Variants in SMYD3 observed in about 807,000 individuals in gnomAD.
SMYD3 encodes the protein SET and MYND domain containing 3, also known as histone-lysine N-methyltransferase SMYD3.
Under a neutral mutation model 57.7 loss-of-function variants are expected in SMYD3, and 36 were observed. That is an observed-to-expected ratio of 0.62 (90% CI 0.48 to 0.82). The LOEUF is 0.82. Among genes scored for constraint, SMYD3 ranks in the 40% least tolerant of loss-of-function variants. SMYD3 has a pLI of 0.00. For synonymous variants in SMYD3, 211 were observed against 195.0 expected (o/e 1.08, Z -0.68); for missense variants, 515 against 538.8 (o/e 0.96, Z 0.44).
At chr1:246,188,349 G>C (rs1280852130) in intron 5 of SMYD3, among the ~76,000 whole-genome samples, 1 of 152,164 alleles carries the variant, frequency 6.6e-6, no homozygotes, top group Non-Finnish European at 1.5e-5. Flanking sequence ...TATGGCCCCA[G>C]TTCTAGCTTT....
chr1:246,136,657 T>TTAAATGAATCAATGAGTGAG (rs1436583983), intron 5 of SMYD3, among the ~76,000 whole-genome samples: 1 of 151,966 alleles, frequency 6.6e-6, no homozygotes. Context: ...AGGAATACAG[T>TTAAATGAATCAATGAGTGAG]TAAATGAATC....
intron 5 of SMYD3, among the ~76,000 whole-genome samples, chr1:246,163,938 A>C (rs528078430): frequency 2.0e-5 from 3 of 152,164 alleles, no homozygotes; most frequent in African/African-American, 4.8e-5. Flanking sequence ...TGGAAGACCT[A>C]ATGCTCGGAG....
At chr1:246,296,571 T>C (rs1053573483) in intron 5 of SMYD3, among the ~76,000 whole-genome samples, 3 of 152,040 alleles carry the variant, frequency 2.0e-5, no homozygotes, top group African/African-American at 7.2e-5. Flanking sequence ...ATATACAAAA[T>C]AACTAAATTA....
intron 5 of SMYD3, among the ~76,000 whole-genome samples, chr1:246,249,758 G>C (rs963295057): frequency 1.1e-4 from 16 of 152,136 alleles, no homozygotes; most frequent in African/African-American, 3.9e-4. Flanking sequence ...ATAAGATCAG[G>C]TCACGTTAAG....
At chr1:245,774,557 C>T (rs2046463587) in intron 10 of SMYD3, among the ~76,000 whole-genome samples, 1 of 152,174 alleles carries the variant, frequency 6.6e-6, no homozygotes, top group Admixed American at 6.5e-5. Flanking sequence ...TGACTGTAGT[C>T]ATGGTTGCAC....
intron 5 of SMYD3, among the ~76,000 whole-genome samples, chr1:246,055,832 T>C (rs922690363): frequency 3.9e-5 from 6 of 152,140 alleles, no homozygotes; most frequent in Non-Finnish European, 8.8e-5. Context: ...AGTAGAATGG[T>C]GGTTGCCAGA....
chr1:245,928,963 T>C (rs1204737841), intron 6 of SMYD3, among the ~76,000 whole-genome samples: 3 of 152,228 alleles, frequency 2.0e-5, no homozygotes, highest in Non-Finnish European at 4.4e-5. Context: ...GAATTGGTAA[T>C]AATTAGAATG....
At chr1:246,220,263 T>TG (rs1175395113) in intron 5 of SMYD3, among the ~76,000 whole-genome samples, 1 of 151,670 alleles carries the variant, frequency 6.6e-6, no homozygotes, top group African/African-American at 2.4e-5. Context: ...TGAGGAGGAA[T>TG]GGCCGGGCCT....
intron 11 of SMYD3, among the ~76,000 whole-genome samples, chr1:245,758,614 G>A (rs1174635070): frequency 6.6e-6 from 1 of 151,836 alleles, no homozygotes; most frequent in East Asian, 1.9e-4. Flanking sequence ...GCTCCCTTCT[G>A]TTTATTTTGA....
intron 5 of SMYD3, among the ~76,000 whole-genome samples, chr1:246,163,486 C>A (rs112482389): frequency 6.6e-6 from 1 of 151,966 alleles, no homozygotes; most frequent in Non-Finnish European, 1.5e-5. Flanking sequence ...TCTGAACTTG[C>A]AAATAAAGGC....
intron 5 of SMYD3, among the ~76,000 whole-genome samples, chr1:246,171,220 A>C (rs1331011487): frequency 6.6e-6 from 1 of 152,338 alleles, no homozygotes; most frequent in African/African-American, 2.4e-5. Context: ...AGATAACTGA[A>C]AAAAAGGTAT....
At chr1:246,497,875 A>G (rs1187351844) in intron 1 of SMYD3, among the ~76,000 whole-genome samples, 1 of 151,986 alleles carries the variant, frequency 6.6e-6, no homozygotes, top group Non-Finnish European at 1.5e-5. Flanking sequence ...TCTAGAGGAA[A>G]AAAAAAAAGA....
chr1:245,885,839 G>T (rs1245335931), intron 8 of SMYD3, among the ~76,000 whole-genome samples: 1 of 152,190 alleles, frequency 6.6e-6, no homozygotes, highest in Non-Finnish European at 1.5e-5. Flanking sequence ...ATAACATGAA[G>T]TAGTTGTAAA....
At chr1:245,832,450 A>C (rs1038788645) in intron 10 of SMYD3, among the ~76,000 whole-genome samples, 1 of 151,194 alleles carries the variant, frequency 6.6e-6, no homozygotes, top group African/African-American at 2.4e-5. Flanking sequence ...AGACATCATC[A>C]GTTTTAAGCT....
chr1:245,860,159 C>T (rs576895928), intron 9 of SMYD3, among the ~76,000 whole-genome samples: 2 of 152,164 alleles, frequency 1.3e-5, no homozygotes, highest in South Asian at 2.1e-4. Flanking sequence ...GTGCCCCCTT[C>T]GTGCCCCCAC....
intron 8 of SMYD3, among the ~76,000 whole-genome samples, chr1:245,892,499 A>G (rs183568880): frequency 6.6e-6 from 1 of 152,342 alleles, no homozygotes; most frequent in African/African-American, 2.4e-5. Context: ...CTATCTGCAA[A>G]GCACATGCTC....
intron 1 of SMYD3, among the ~76,000 whole-genome samples, chr1:246,451,957 G>A (rs960770553): frequency 8.6e-5 from 13 of 151,986 alleles, no homozygotes; most frequent in African/African-American, 1.9e-4. Context: ...TAGCACAACC[G>A]CAACTGCTTA....
chr1:246,058,269 T>C (rs540642918), intron 5 of SMYD3, among the ~76,000 whole-genome samples: 9 of 152,286 alleles, frequency 5.9e-5, no homozygotes, highest in East Asian at 1.9e-4. Context: ...CTGTCACAAA[T>C]GTCCCACTCT....
At chr1:245,992,355 G>C (rs1055146685) in intron 5 of SMYD3, among the ~76,000 whole-genome samples, 1 of 152,252 alleles carries the variant, frequency 6.6e-6, no homozygotes, top group Non-Finnish European at 1.5e-5. Context: ...ATGCAGTGTG[G>C]GAGGGGAGTG....
Sources: gnomAD v4.1 joint callset for allele counts (sites outside exome capture counted in the v4.1 genomes callset) on GRCh38, gnomAD v4.1.1 for gene constraint, MANE v1.5 for transcripts, NCBI Gene and HGNC (gene_info 2026-07-23, HGNC 2026-07-21) for gene names.